MECOM: variants seen among roughly 807,000 people sequenced by gnomAD.
MECOM encodes histone-lysine N-methyltransferase MECOM.
Under a neutral mutation model 116.3 loss-of-function variants are expected in MECOM, and 13 were observed. The ratio of observed to expected loss-of-function variants is 0.11; its 90% CI spans 0.07 to 0.18. The LOEUF (loss-of-function observed/expected upper bound fraction) is 0.18. MECOM is among the 10% of genes least tolerant of loss of function. The probability of loss-of-function intolerance (pLI) is 1.00; values close to 1 mark genes in which losing one functional copy is unlikely to be tolerated. For synonymous variants in MECOM, 528 were observed against 535.2 expected (o/e 0.99, Z 0.19); for missense variants, 1,299 against 1,509.0 (o/e 0.86, Z 2.31).
At chr3:169,514,034 A>AG (rs1360318671) in intron 1 of MECOM, among the ~76,000 whole-genome samples, 2 of 152,240 alleles carry the variant, frequency 1.3e-5, no homozygotes, top group African/African-American at 4.8e-5. Context: ...TTGTTCTACA[A>AG]GGGTGTGCAC....
At chr3:169,541,876 A>G (rs924623160) in intron 1 of MECOM, among the ~76,000 whole-genome samples, 3 of 152,210 alleles carry the variant, frequency 2.0e-5, no homozygotes, top group African/African-American at 7.2e-5. Context: ...CTGAGATGCT[A>G]CTGGGGATTT....
rs765889951 is a variant in MECOM, at chr3:169,115,417, T to C, written c.2455A>G (p.Arg819Gly). The change falls in exon 8 of 17, where the codon AGA becomes GGA. Residue 819 changes from arginine to glycine, a missense_variant. By Grantham distance (125) the Arg-to-Gly change is moderately radical. Around this residue, in one of 6 missense-constraint regions of MECOM, gnomAD observed 340 missense variants for 312.6 expected, o/e 1.09. Transcript: ENST00000651503. ...GGGTCCATAAAGAAAGGAGTGGGTC[T>C]TGCATGCTGCAAGGAACCATCTGAA... Reference protein sequence around the residue: ...PASDGSLQHARPTPFFMDPIY... With the variant: ...PASDGSLQHAGPTPFFMDPIY... The C allele has an allele frequency of 1.2e-6, 2 of 1,614,188 alleles. No individual in the cohort carries two copies. The highest frequency in any genetic ancestry group is 2.2e-5 in the South Asian group (2 of 91,084).
In MECOM at chr3:169,146,484, C is replaced by T. The variant is rs778600431; in HGVS notation, c.376-2652G>A. On this transcript the variant is annotated intron_variant, in intron 2 of 16. Coordinates refer to ENST00000651503, the MANE Select transcript of MECOM (RefSeq NM_004991.4). ...GCCGGCAGAGAAACCCACCGAAGGC[C>T]GGACGACCCACCCCGGAGACGTGTC... 10 of 1,382,586 alleles carry T rather than the reference C, an allele frequency of 7.2e-6. No homozygotes were observed. In the Admixed American group the frequency reaches 1.9e-4, roughly 26 times the overall value. The allele number at this position is 1,382,586 out of a possible 1,614,324, so 85.6% of individuals were successfully genotyped here. A position where few individuals can be genotyped will look rare whatever the true frequency, so the allele number is the denominator to read the frequency against.
intron 2 of MECOM, among the ~76,000 whole-genome samples, chr3:169,338,302 A>G (rs1335874370): frequency 6.6e-6 from 1 of 152,160 alleles, no homozygotes; most frequent in Non-Finnish European, 1.5e-5. Context: ...AAACTGAGCT[A>G]GGTCTCATAG....
At position 169,392,526 on chromosome 3, in the gene MECOM, T is replaced by G. The variant is rs76857369; in HGVS notation, c.38-11002A>C. On this transcript the variant is annotated intron_variant, in intron 1 of 16. Coordinates refer to ENST00000651503, the MANE Select transcript of MECOM (RefSeq NM_004991.4). ...AACATTTATTCAATAAATACCACGTTGTGCCTGGAGCTGTGTAAGTTGCTA... is the reference window on the plus strand; with the variant it reads ...AACATTTATTCAATAAATACCACGTGGTGCCTGGAGCTGTGTAAGTTGCTA... Among the ~76,000 whole-genome samples, 12 of 152,088 alleles carry G rather than the reference T, an allele frequency of 7.9e-5. No individual in the cohort carries two copies. The East Asian group carries it at 2.4e-3, about 30-fold the overall frequency.
chr3:169,602,176 T>C (rs571788981), intron 1 of MECOM, among the ~76,000 whole-genome samples: 7 of 152,332 alleles, frequency 4.6e-5, no homozygotes, highest in East Asian at 1.9e-4. Context: ...AAAAAACTTA[T>C]GTATCTGATA....
intron 2 of MECOM, among the ~76,000 whole-genome samples, chr3:169,255,992 A>G (rs1417257646): frequency 3.3e-5 from 5 of 152,198 alleles, no homozygotes; most frequent in African/African-American, 4.8e-5. Context: ...TGACATTATG[A>G]CTAAATTTAA....
intron 1 of MECOM, among the ~76,000 whole-genome samples, chr3:169,595,085 C>T (rs534345021): frequency 2.0e-5 from 3 of 152,144 alleles, no homozygotes; most frequent in South Asian, 4.2e-4. Context: ...TCAAGACAGG[C>T]TCATGTGGCT....
intron 4 of MECOM, among the ~76,000 whole-genome samples, chr3:169,130,862 G>T (rs964716958): frequency 1.3e-5 from 2 of 152,082 alleles, no homozygotes; most frequent in Admixed American, 1.3e-4. Context: ...ACCTAAACAT[G>T]TATCACTACT....
chr3:169,511,338 C>A (rs2109026439), intron 1 of MECOM, among the ~76,000 whole-genome samples: 1 of 152,302 alleles, frequency 6.6e-6, no homozygotes, highest in African/African-American at 2.4e-5. Flanking sequence ...AAGACAGTGG[C>A]TCAATGAGGT....
chr3:169,239,342 T>C (rs1239076874), intron 2 of MECOM, among the ~76,000 whole-genome samples: 4 of 151,878 alleles, frequency 2.6e-5, no homozygotes, highest in African/African-American at 7.2e-5. Flanking sequence ...TTGAAATATA[T>C]GGAGAAATAA....
chr3:169,646,371 G>GT (rs1774187400), intron 1 of MECOM, among the ~76,000 whole-genome samples: 1 of 151,268 alleles, frequency 6.6e-6, no homozygotes, highest in Admixed American at 6.6e-5. Context: ...TAAATGACGA[G>GT]TTAAAGGGTG....
chr3:169,186,526 T>G (rs1429505130), intron 2 of MECOM, among the ~76,000 whole-genome samples: 2 of 152,276 alleles, frequency 1.3e-5, no homozygotes, highest in East Asian at 3.9e-4. Flanking sequence ...ATTAAATTTA[T>G]TCTAGGATCT....
intron 10 of MECOM, among the ~76,000 whole-genome samples, chr3:169,103,775 G>A (rs542353234): frequency 6.6e-6 from 1 of 152,174 alleles, no homozygotes; most frequent in South Asian, 2.1e-4. Context: ...TCTTAAAGTA[G>A]AGCAAAGTCT....
At chr3:169,584,423 G>A (rs1417030965) in intron 1 of MECOM, among the ~76,000 whole-genome samples, 1 of 151,604 alleles carries the variant, frequency 6.6e-6, no homozygotes, top group Non-Finnish European at 1.5e-5. Context: ...AAATTAGCCG[G>A]GCGTGGTGGC....
intron 1 of MECOM, among the ~76,000 whole-genome samples, chr3:169,382,271 CA>C (rs1560204157): frequency 6.6e-6 from 1 of 152,054 alleles, no homozygotes; most frequent in Non-Finnish European, 1.5e-5. Context: ...GAATTTCCTC[CA>C]GACAGAGAAA....
At chr3:169,442,134 C>T (rs1003879070) in intron 1 of MECOM, among the ~76,000 whole-genome samples, 1 of 152,178 alleles carries the variant, frequency 6.6e-6, no homozygotes, top group Non-Finnish European at 1.5e-5. Flanking sequence ...CCATTTTGGC[C>T]AGGCTGGTCT....
intron 2 of MECOM, among the ~76,000 whole-genome samples, chr3:169,149,262 C>T (rs1450825679): frequency 1.3e-5 from 2 of 152,030 alleles, no homozygotes; most frequent in Admixed American, 6.6e-5. Flanking sequence ...GAGCTCAGCG[C>T]CCCAACCCTG....
chr3:169,558,948 C>A (rs1762334195), intron 1 of MECOM, among the ~76,000 whole-genome samples: 1 of 152,064 alleles, frequency 6.6e-6, no homozygotes, highest in Admixed American at 6.6e-5. Flanking sequence ...GAACTATCTT[C>A]TCATCATTTT....
Sources: allele counts gnomAD v4.1 joint callset (sites outside exome capture counted in the v4.1 genomes callset), GRCh38; gene constraint gnomAD v4.1.1; regional missense constraint gnomAD v4.1.1; transcripts MANE v1.5; gene names NCBI Gene and HGNC (gene_info 2026-07-23, HGNC 2026-07-21).